The following SRFBP1 variants were observed in gnomAD, a reference collection of about 807,000 sequenced individuals.
The protein encoded by SRFBP1 is serum response factor-binding protein 1.
Under a neutral mutation model 45.5 loss-of-function variants are expected in SRFBP1, and 47 were observed. The observed-to-expected ratio is 1.03, with a 90% CI of 0.82 to 1.32. SRFBP1 has a LOEUF of 1.32. Among genes scored for constraint, SRFBP1 ranks in the 40% most tolerant of loss-of-function variants. The pLI, the probability that SRFBP1 is intolerant of heterozygous loss-of-function variation, is 0.00. For synonymous variants in SRFBP1, 203 were observed against 166.3 expected (o/e 1.22, Z -1.70); for missense variants, 621 against 484.6 (o/e 1.28, Z -2.64).
At chr5:121,992,961 G>A (rs1187831064) in intron 3 of SRFBP1, among the ~76,000 whole-genome samples, 4 of 151,946 alleles carry the variant, frequency 2.6e-5, no homozygotes, top group Non-Finnish European at 5.9e-5. Context: ...CCTTGTCTCC[G>A]ACCCAGGAGC....
At chr5:122,012,190 T>G (rs1357506526) in intron 4 of SRFBP1, among the ~76,000 whole-genome samples, 2 of 152,064 alleles carry the variant, frequency 1.3e-5, no homozygotes, top group African/African-American at 4.8e-5. Flanking sequence ...CATTTCCCCT[T>G]TAGATCTTGT....
Position 122,027,189 on chromosome 5 carries a change from C to CCTG in SRFBP1, c.*63_*64insCTG. The stretch of plus-strand genomic sequence containing the variant: ...AAAAATGTTTTTTTTAAGACAGGAT[C>CCTG]TCATTCTGTTGCCCAGACTAGAGTA... On this transcript the variant is annotated 3_prime_UTR_variant, in exon 8 of 8. Coordinates refer to ENST00000339397, the MANE Select transcript of SRFBP1 (RefSeq NM_152546.3). 1 of 1,339,490 alleles carries CCTG rather than the reference C, an allele frequency of 7.5e-7. No homozygotes were observed. Among genetic ancestry groups the CCTG allele is most frequent in the Non-Finnish European group, 1.0e-6 (1 of 971,590 alleles). 83.0% of individuals were successfully genotyped at this position (1,339,490 alleles called of 1,614,324 possible).
At chr5:122,002,172 C>T (rs1046412299) in intron 4 of SRFBP1, among the ~76,000 whole-genome samples, 2 of 152,118 alleles carry the variant, frequency 1.3e-5, no homozygotes, top group African/African-American at 2.4e-5. Flanking sequence ...ATTACATCCC[C>T]ATTGTATAAA....
chr5:122,077,648 G>A (rs1561421373), downstream of SRFBP1: 5 of 1,609,942 alleles, frequency 3.1e-6, no homozygotes, highest in Middle Eastern at 5.0e-4. This position sits in a 1 kb window ranked among gnomAD's most constrained non-coding sequence, Gnocchi z 4.9. Flanking sequence ...GCGGCCAGCG[G>A]TGACTCCAGA....
intron 2 of SRFBP1, among the ~76,000 whole-genome samples, chr5:122,049,777 T>G (rs1047635184): frequency 1.3e-5 from 2 of 152,152 alleles, no homozygotes; most frequent in African/African-American, 4.8e-5. Context: ...GAATGACTAC[T>G]CGGTACATAA....
chr5:121,982,151 C>G (rs570527438), intron 3 of SRFBP1, among the ~76,000 whole-genome samples: 37 of 151,992 alleles, frequency 2.4e-4, no homozygotes, highest in African/African-American at 8.0e-4. Context: ...TTAGCCAATG[C>G]CCTGAGACCA....
chr5:122,025,187 C>T (rs1753452732), intron 7 of SRFBP1, among the ~76,000 whole-genome samples: 1 of 152,038 alleles, frequency 6.6e-6, no homozygotes, highest in African/African-American at 2.4e-5. Context: ...GTTCAATTCC[C>T]ACCTATGAGT....
chr5:121,974,127 A>T, intron 1 of SRFBP1, 69 bp from the exon 2 acceptor site: 1 of 1,062,180 alleles, frequency 9.4e-7, no homozygotes, highest in South Asian at 1.4e-5. Context: ...AAATATTAAG[A>T]CTCAAAATAA....
intron 2 of SRFBP1, among the ~76,000 whole-genome samples, chr5:122,073,139 C>G (rs1236052040): frequency 6.6e-6 from 1 of 152,216 alleles, no homozygotes; most frequent in Admixed American, 6.5e-5. Context: ...AAGATGCCAA[C>G]TGCTGATCCC....
At chr5:122,051,184 A>T (rs982553027) in intron 2 of SRFBP1, among the ~76,000 whole-genome samples, 1 of 152,050 alleles carries the variant, frequency 6.6e-6, no homozygotes, top group Non-Finnish European at 1.5e-5. Context: ...TGTATGGTTG[A>T]TTTCAGAATG....
At chr5:121,991,977 T>G (rs1292350865) in intron 3 of SRFBP1, among the ~76,000 whole-genome samples, 1 of 152,160 alleles carries the variant, frequency 6.6e-6, no homozygotes, top group Non-Finnish European at 1.5e-5. Context: ...TTGGCATTAT[T>G]TATGGCACGT....
At chr5:122,057,483 G>C (rs1481948134) in intron 2 of SRFBP1, among the ~76,000 whole-genome samples, 1 of 151,610 alleles carries the variant, frequency 6.6e-6, no homozygotes, top group African/African-American at 2.4e-5. Context: ...GTGTGTGTGT[G>C]TGTGTGTGTG....
intron 2 of SRFBP1, among the ~76,000 whole-genome samples, chr5:122,040,205 C>G (rs895145123): frequency 4.6e-5 from 7 of 151,996 alleles, no homozygotes; most frequent in Non-Finnish European, 8.8e-5. Flanking sequence ...TCAAACATCT[C>G]TTTTTGTTAT....
intron 1 of SRFBP1, among the ~76,000 whole-genome samples, chr5:121,969,264 TG>T (rs1490984186): frequency 1.3e-5 from 2 of 152,194 alleles, no homozygotes; most frequent in Non-Finnish European, 2.9e-5. Context: ...ATTCTTTTCC[TG>T]TATACTGACC....
At chr5:121,968,047 T>C (rs895256958) in intron 1 of SRFBP1, among the ~76,000 whole-genome samples, 2 of 152,138 alleles carry the variant, frequency 1.3e-5, no homozygotes, top group African/African-American at 4.8e-5. Flanking sequence ...TATATATTTT[T>C]CACAATTTTA....
chr5:121,985,222 G>A (rs979403913), intron 3 of SRFBP1, among the ~76,000 whole-genome samples: 1 of 151,750 alleles, frequency 6.6e-6, no homozygotes, highest in Non-Finnish European at 1.5e-5. Flanking sequence ...GAGGATTCAA[G>A]GAAGTCTTTC....
chr5:122,026,903 A>T, intron 7 of SRFBP1, 39 bp from the exon 8 acceptor site: 1 of 1,375,326 alleles, frequency 7.3e-7, no homozygotes, highest in Non-Finnish European at 1.0e-6. Flanking sequence ...TATGCTCTTT[A>T]AGTATATAGT....
Position 121,975,297 on chromosome 5 carries a change from G to T in SRFBP1, c.126-18G>T. 1 of 1,611,990 alleles carries T rather than the reference G, an allele frequency of 6.2e-7. No homozygotes were observed. The highest frequency in any genetic ancestry group is 8.5e-7 in the Non-Finnish European group (1 of 1,178,380). On this transcript the variant is annotated intron_variant, in intron 2 of 7. Coordinates refer to ENST00000339397, the MANE Select transcript of SRFBP1 (RefSeq NM_152546.3). ...TTAATGCTTTGCCTGGCTACATATCGTAATGTATTTTTTGCAGGGGTACTG... is the reference window on the plus strand; with the variant it reads ...TTAATGCTTTGCCTGGCTACATATCTTAATGTATTTTTTGCAGGGGTACTG...
intron 2 of SRFBP1, among the ~76,000 whole-genome samples, chr5:122,062,323 A>G (rs753851519): frequency 2.3e-4 from 35 of 151,944 alleles, no homozygotes; most frequent in Non-Finnish European, 4.7e-4. Context: ...ACAAATTACT[A>G]CGATGAAAGT....
Sources: allele counts gnomAD v4.1 joint callset (sites outside exome capture counted in the v4.1 genomes callset), GRCh38; gene constraint gnomAD v4.1.1; non-coding constraint Gnocchi (gnomAD v3.1); transcripts MANE v1.5; gene names NCBI Gene and HGNC (gene_info 2026-07-23, HGNC 2026-07-21).